Variants in SETD9 observed in about 807,000 individuals in gnomAD.
SETD9 encodes SET domain containing 9, also known as SET domain-containing protein 9.
In SETD9, 37 loss-of-function variants were observed where a neutral mutation model predicts 36.4. That is an observed-to-expected ratio of 1.02 (90% CI 0.78 to 1.34). The LOEUF is 1.34. SETD9 is among the 40% of genes most tolerant of loss of function. SETD9 has a pLI of 0.00. For missense variants in SETD9, 323 were observed against 353.2 expected (o/e 0.91, Z 0.69); for synonymous variants, 128 against 132.9 (o/e 0.96, Z 0.26).
chr5:56,914,520 T>C (rs1206098834), intron 4 of SETD9, among the ~76,000 whole-genome samples: 1 of 152,176 alleles, frequency 6.6e-6, no homozygotes, highest in Non-Finnish European at 1.5e-5. Context: ...TTTCCTGATA[T>C]ATAAAAAGTA....
At chr5:56,918,180 C>G (rs1246622412), downstream of SETD9, among the ~76,000 whole-genome samples, 10 of 152,168 alleles carry the variant, frequency 6.6e-5, no homozygotes, top group African/African-American at 2.2e-4. Flanking sequence ...AGCTCCTCTC[C>G]TTTCTCCCCT....
intron 5 of SETD9, 121 bp downstream of exon 5, chr5:56,915,087 G>T: frequency 5.4e-6 from 3 of 554,210 alleles, no homozygotes; most frequent in Non-Finnish European, 8.8e-6. Flanking sequence ...TTATAACTCA[G>T]ATTTTTATGT....
At chr5:56,926,199 T>A (rs1197585292), downstream of SETD9, among the ~76,000 whole-genome samples, 1 of 152,034 alleles carries the variant, frequency 6.6e-6, no homozygotes, top group African/African-American at 2.4e-5. Flanking sequence ...ATGATTTTTT[T>A]AAATAAAATG....
downstream of SETD9, among the ~76,000 whole-genome samples, chr5:56,926,016 T>C (rs1294146769): frequency 6.6e-6 from 1 of 151,904 alleles, no homozygotes; most frequent in Non-Finnish European, 1.5e-5. Flanking sequence ...TTTCCACAAA[T>C]GATGCTAGTA....
In SETD9 at chr5:56,909,803, G is replaced by T. The variant is rs532018639; in HGVS notation, c.98+60G>T. ...GCCTTCGGTTCCCAGACGCCACCACGGCGGCGGGACGCAAAGCGGAGAGCC... is the reference window on the plus strand; with the variant it reads ...GCCTTCGGTTCCCAGACGCCACCACTGCGGCGGGACGCAAAGCGGAGAGCC... On this transcript the variant is annotated intron_variant, in intron 1 of 5. Transcript: ENST00000285947. The T allele has an allele frequency of 7.6e-5, 115 of 1,516,764 alleles. No homozygotes were observed. The African/African-American group carries it at 1.6e-3, about 21-fold the overall frequency. 94.0% of individuals were successfully genotyped at this position (1,516,764 alleles called of 1,614,324 possible). A position where few individuals can be genotyped will look rare whatever the true frequency, so the allele number is the denominator to read the frequency against.
intron 2 of SETD9, 45 bp downstream of exon 2, chr5:56,911,581 T>G: frequency 6.7e-7 from 1 of 1,481,576 alleles, no homozygotes; most frequent in Non-Finnish European, 8.9e-7. Flanking sequence ...TTCTTACGTA[T>G]TGATAAACAT....
At chr5:56,913,632 C>T (rs1421191033) in intron 3 of SETD9, among the ~76,000 whole-genome samples, 1 of 152,020 alleles carries the variant, frequency 6.6e-6, no homozygotes, top group Non-Finnish European at 1.5e-5. Flanking sequence ...GATCTGCCTG[C>T]CTCAGCCTCC....
chr5:56,921,362 A>C (rs111845852), downstream of SETD9: 978 of 151,486 alleles, frequency 6.5e-3, 9 homozygotes, highest in Non-Finnish European at 0.012. Context: ...AAATACAAGA[A>C]AGTAACACAG....
chr5:56,913,916 T>C lies in SETD9; in HGVS notation c.633T>C (p.Ser211=). 2 of 1,613,854 alleles carry C rather than the reference T, an allele frequency of 1.2e-6. No individual in the cohort carries two copies. Among genetic ancestry groups the C allele is most frequent in the Non-Finnish European group, 1.7e-6 (2 of 1,179,850 alleles). ...GRDRLGPLKM[S]DSTWLTSEIH... Reference sequence around the variant, plus strand: ...ATCGACTCGGCCCTTTAAAAATGAGTGATAGTACATGGCTAACGTCAGAAA... The same window carrying C: ...ATCGACTCGGCCCTTTAAAAATGAGCGATAGTACATGGCTAACGTCAGAAA... The change falls in exon 4 of 6, where the codon AGT becomes AGC. Residue 211 remains serine (S), a synonymous_variant. Transcript: ENST00000285947.
intron 1 of SETD9, chr5:56,910,629 A>G: frequency 7.1e-6 from 2 of 282,674 alleles, no homozygotes; most frequent in South Asian, 3.0e-5. Context: ...GTACAAAAAG[A>G]TAATGATTAT....
At chr5:56,910,162 A>G in intron 1 of SETD9, 2 of 1,213,280 alleles carry the variant, frequency 1.6e-6, no homozygotes, top group Non-Finnish European at 2.1e-6. Context: ...ACTTTTTAAA[A>G]AGACTGCCCT....
At chr5:56,912,310 C>T (rs1749180225) in intron 2 of SETD9, 2 of 800,996 alleles carry the variant, frequency 2.5e-6, no homozygotes, top group Non-Finnish European at 3.0e-6. Context: ...AAATAGACTA[C>T]GTTATGTGTT....
downstream of SETD9, chr5:56,919,790 T>A (rs1230910998): frequency 6.6e-6 from 1 of 152,618 alleles, no homozygotes; most frequent in African/African-American, 2.4e-5. Context: ...ACTCACAGGG[T>A]ACTTATTTCA....
Position 56,917,224 on chromosome 5 carries a change from T to C in SETD9, c.*322T>C, listed in dbSNP as rs1231705558. On this transcript the variant is annotated 3_prime_UTR_variant, in exon 6 of 6. Coordinates refer to ENST00000285947, the MANE Select transcript of SETD9 (RefSeq NM_153706.4). ...TTTGTTTATTTTGTAAGCTCTGTGG[T>C]GGTTTATAAAATTGTAGCCAGGCAT... is the stretch of plus-strand genomic sequence containing the variant. 3 of 1,050,074 alleles carry C rather than the reference T, an allele frequency of 2.9e-6. No individual in the cohort carries two copies. The highest frequency in any genetic ancestry group is 5.9e-5 in the Admixed American group (1 of 17,008). The allele number at this position is 1,050,074 out of a possible 1,614,324, so 65.0% of individuals were successfully genotyped here.
chr5:56,909,663 G>T lies in SETD9; in HGVS notation c.18G>T (p.Leu6=), dbSNP rs758858008. ...GGGCAGCCATGCCTGGCCGTCTGCT[G>T]CGGGGCCTGTGGCAGCGATGGCGCC... The part of the protein sequence containing the change: MPGRL[L]RGLWQRWRRY... Residue 6 remains leucine (L), a synonymous_variant, in exon 1 of 6, where the codon CTG becomes CTT. Transcript: ENST00000285947. The T allele has an allele frequency of 2.1e-5, 34 of 1,609,174 alleles. No individual in the cohort carries two copies. The East Asian group carries it at 3.6e-4, about 17-fold the overall frequency.
rs746049710 is a variant in SETD9, at chr5:56,916,928, T to A, written c.*26T>A. 6.3e-7 allele frequency: 1 copy of A among 1,580,678 alleles called. No individual in the cohort carries two copies. Among genetic ancestry groups the A allele is most frequent in the South Asian group, 1.2e-5 (1 of 81,094 alleles). On this transcript the variant is annotated 3_prime_UTR_variant, in exon 6 of 6. Transcript: ENST00000285947. ...CTCTGTGAATCAGAAATTATTAGGT[T>A]TTCTACTCAGCTATTAATTCTAAGT...
At chr5:56,912,071 C>A in intron 2 of SETD9, 3 of 416,738 alleles carry the variant, frequency 7.2e-6, no homozygotes, top group Non-Finnish European at 9.7e-6. Context: ...AGGAGAATGG[C>A]GTGAACCCGG....
rs1401249802 is a variant in SETD9 at position 56,909,599 on chromosome 5, G to C, written c.-47G>C. 6.6e-7 allele frequency: 1 copy of C among 1,516,114 alleles called. No individual in the cohort carries two copies. The allele number at this position is 1,516,114 out of a possible 1,614,324, so 93.9% of individuals were successfully genotyped here. A position where few individuals can be genotyped will look rare whatever the true frequency, so the allele number is the denominator to read the frequency against. ...CGGGCCGGGGCGGGCCCGAGGCCTC[G>C]ATCCGCCTTCCCCGCGCCGTCCTGG... is the stretch of plus-strand genomic sequence containing the variant. On this transcript the variant is annotated 5_prime_UTR_variant, in exon 1 of 6. Transcript: ENST00000285947.
At chr5:56,923,091 T>C in intron 5 of SETD9, 1 of 1,578,654 alleles carries the variant, frequency 6.3e-7, no homozygotes, top group South Asian at 1.1e-5. Context: ...TCAAGTTTAC[T>C]GGTGCTGCAC....
Sources: gnomAD v4.1 joint callset for allele counts (sites outside exome capture counted in the v4.1 genomes callset) on GRCh38, gnomAD v4.1.1 for gene constraint, MANE v1.5 for transcripts, NCBI Gene and HGNC (gene_info 2026-07-23, HGNC 2026-07-21) for gene names.